Variants in LHX8 observed in about 807,000 individuals in gnomAD.
LHX8 encodes LIM/homeobox protein Lhx8.
A neutral mutation model predicts 40.3 loss-of-function variants in LHX8; 12 were observed. That is an observed-to-expected ratio of 0.30 (90% CI 0.19 to 0.48). The LOEUF (loss-of-function observed/expected upper bound fraction) is 0.48, where lower values mean the gene tolerates loss of function less well. Ranked by LOEUF, LHX8 falls within the 20% of genes least tolerant of loss-of-function variation. LHX8 has a pLI of 0.99. For missense variants in LHX8, 344 were observed against 433.7 expected, an observed-to-expected ratio of 0.79 and a Z score of 1.84; for synonymous variants, 179 against 162.0, an observed-to-expected ratio of 1.10 and a Z score of -0.80.
chr1:75,148,376 G>T (rs1221463361), intron 6 of LHX8, among the ~76,000 whole-genome samples: 1 of 152,108 alleles, frequency 6.6e-6, no homozygotes, highest in African/African-American at 2.4e-5. Flanking sequence ...CATTGAAATG[G>T]ATTTTTTTAA....
At chr1:75,181,623 A>T in the LHX8 span, among the ~76,000 whole-genome samples, 1 of 152,126 alleles carries the variant, frequency 6.6e-6, no homozygotes. Context: ...CTTGGCTAGG[A>T]AAGGGAAATC....
chr1:75,169,286 C>A, the LHX8 span, among the ~76,000 whole-genome samples: 1 of 152,200 alleles, frequency 6.6e-6, no homozygotes. Context: ...CTTGACTCTG[C>A]CATTTTTCTG....
chr1:75,150,846 T>A (rs1247475397), intron 7 of LHX8, among the ~76,000 whole-genome samples: 1 of 151,918 alleles, frequency 6.6e-6, no homozygotes, highest in Admixed American at 6.6e-5. Flanking sequence ...CTAGCTAATT[T>A]TTGTATTTTT....
At chr1:75,146,072 A>T (rs1648452085) in intron 6 of LHX8, among the ~76,000 whole-genome samples, 1 of 152,114 alleles carries the variant, frequency 6.6e-6, no homozygotes, top group South Asian at 2.1e-4. Flanking sequence ...TCTGAAATAG[A>T]TATTTTAAAA....
the LHX8 span, among the ~76,000 whole-genome samples, chr1:75,170,186 T>C: frequency 6.6e-6 from 1 of 152,222 alleles, no homozygotes; most frequent in South Asian, 2.1e-4. Flanking sequence ...TTTTGGACTA[T>C]CGAGTACAAG....
chr1:75,192,582 A>G, the LHX8 span, among the ~76,000 whole-genome samples: 2 of 152,216 alleles, frequency 1.3e-5, no homozygotes, highest in Admixed American at 6.5e-5. Flanking sequence ...AGACTGGATG[A>G]CATCTATGCT....
At chr1:75,131,817 T>C (rs1647969830), upstream of LHX8, 1 of 152,244 alleles carries the variant, frequency 6.6e-6, no homozygotes, top group African/African-American at 2.4e-5. Flanking sequence ...TCTCAGGCTG[T>C]CTTTCCCATG....
chr1:75,168,314 C>T, the LHX8 span, among the ~76,000 whole-genome samples: 2 of 152,008 alleles, frequency 1.3e-5, no homozygotes, highest in Non-Finnish European at 1.5e-5. Context: ...CCTCTGCCTC[C>T]TGGGTTCAAA....
At chr1:75,133,725 C>T (rs1225580972), upstream of LHX8, among the ~76,000 whole-genome samples, 1 of 152,214 alleles carries the variant, frequency 6.6e-6, no homozygotes, top group East Asian at 1.9e-4. Flanking sequence ...CCCCGCCCCG[C>T]AGTCAGAACT....
At chr1:75,179,465 G>A in the LHX8 span, among the ~76,000 whole-genome samples, 1 of 145,734 alleles carries the variant, frequency 6.9e-6, no homozygotes, top group Non-Finnish European at 1.5e-5. Flanking sequence ...TTGGTTTGAA[G>A]TCTGTTTTAA....
At chr1:75,191,606 A>T in the LHX8 span, among the ~76,000 whole-genome samples, 5 of 152,218 alleles carry the variant, frequency 3.3e-5, no homozygotes, top group Admixed American at 2.6e-4. Flanking sequence ...AAGCCAAAAA[A>T]GGGAAAACAC....
At position 75,149,336 on chromosome 1, in the gene LHX8, C is replaced by A. The variant is rs548272087; in HGVS notation, c.780+654C>A. ...TGGAGAGGCCTGTGAATGCAGAGTTCTCTTATGAGCAGGTAAAAGCCATGA... is the reference window on the plus strand; with the variant it reads ...TGGAGAGGCCTGTGAATGCAGAGTTATCTTATGAGCAGGTAAAAGCCATGA... On this transcript the variant is annotated intron_variant, in intron 7 of 8. Transcript: ENST00000356261. Among the ~76,000 whole-genome samples the A allele has an allele frequency of 2.0e-5, 3 of 152,264 alleles. No homozygotes were observed. The South Asian group carries it at 6.2e-4, about 32-fold the overall frequency.
Position 75,136,663 on chromosome 1 carries a change from C to A in LHX8, c.49C>A (p.Arg17Ser). 3.2e-6 allele frequency: 5 copies of A among 1,547,990 alleles called. No individual in the cohort carries two copies. The South Asian group carries it at 5.9e-5, about 18-fold the overall frequency. ...RTTALAAGRT[R>S]KGAGEEGLVS... ...TACAGCCCTGGCGGCCGGGAGGACT[C>A]GCAAAGGCGCCGGGGAAGAGGGACT... The change falls in exon 2 of 9, where the codon CGC becomes AGC. Residue 17 changes from arginine (R) to serine (S), a missense_variant. Transcript: ENST00000356261.
At chr1:75,169,209 C>G in the LHX8 span, among the ~76,000 whole-genome samples, 1 of 152,140 alleles carries the variant, frequency 6.6e-6, no homozygotes, top group Non-Finnish European at 1.5e-5. Flanking sequence ...TCCAGTCACA[C>G]TGGCCTCCCA....
At chr1:75,196,976 C>G in the LHX8 span, among the ~76,000 whole-genome samples, 3 of 152,056 alleles carry the variant, frequency 2.0e-5, no homozygotes, top group Non-Finnish European at 2.9e-5. Context: ...AAAACCAGTT[C>G]AAGAGCAATT....
At chr1:75,182,768 T>G in the LHX8 span, among the ~76,000 whole-genome samples, 2 of 152,374 alleles carry the variant, frequency 1.3e-5, no homozygotes, top group South Asian at 4.1e-4. Flanking sequence ...TCTAGGTTTG[T>G]TCTTTTTGCT....
the LHX8 span, among the ~76,000 whole-genome samples, chr1:75,188,216 T>C: frequency 1.3e-5 from 2 of 152,168 alleles, no homozygotes; most frequent in Admixed American, 1.3e-4. Flanking sequence ...TGTAAAACTT[T>C]CATTTACCTA....
chr1:75,137,276 C>T lies in LHX8; in HGVS notation c.237+15C>T, dbSNP rs541209430. The T allele has an allele frequency of 6.2e-7, 1 of 1,612,686 alleles. No homozygotes were observed. Among genetic ancestry groups the T allele is most frequent in the East Asian group, 2.2e-5 (1 of 44,836 alleles). ...ACCTTCTCAAGGTAGGATAGGGCCT[C>T]GGGTGCGAGGCCCAAGGGGAGCGGG... On this transcript the variant is annotated intron_variant, in intron 3 of 8. Transcript: ENST00000356261.
At position 75,137,108 on chromosome 1, in the gene LHX8, C is replaced by G. The variant is rs780522058; in HGVS notation, c.84C>G (p.Pro28=). ...CTCGCGGTTTCCTGCAGGTGAGCCC[C>G]GAGGGAGCGGGGGACGAGGACTCGT... ...KGAGEEGLVS[P]EGAGDEDSCS... is the part of the protein sequence containing the mutation. Residue 28 remains proline, a synonymous_variant, in exon 3 of 9, where the codon CCC becomes CCG. Transcript: ENST00000356261. The G allele has an allele frequency of 1.9e-6, 3 of 1,604,876 alleles. No individual in the cohort carries two copies. Among genetic ancestry groups the G allele is most frequent in the African/African-American group, 1.3e-5 (1 of 74,744 alleles).
Sources: allele counts gnomAD v4.1 joint callset (sites outside exome capture counted in the v4.1 genomes callset), GRCh38; gene constraint gnomAD v4.1.1; transcripts MANE v1.5; gene names NCBI Gene and HGNC (gene_info 2026-07-23, HGNC 2026-07-21).